SKIC3: variants seen among roughly 807,000 people sequenced by gnomAD.
SKIC3 encodes superkiller complex protein 3.
the SKIC3 span, among the ~76,000 whole-genome samples, chr5:95,538,604 A>G: frequency 0.15 from 23,460 of 152,078 alleles, 2,481 homozygotes; most frequent in African/African-American, 0.3. Context: ...ATTTACTATA[A>G]TAAGACATTA....
chr5:95,550,480 A>C, the SKIC3 span: 5 of 152,096 alleles, frequency 3.3e-5, no homozygotes, highest in African/African-American at 1.2e-4. Flanking sequence ...AAAAAAAAAA[A>C]AAAACTATGC....
chr5:95,516,178 C>T, the SKIC3 span, among the ~76,000 whole-genome samples: 2 of 152,138 alleles, frequency 1.3e-5, no homozygotes, highest in Non-Finnish European at 2.9e-5. Context: ...ATAAATCTTA[C>T]ACATTAATTA....
chr5:95,525,545 CT>C, the SKIC3 span: 1 of 1,613,828 alleles, frequency 6.2e-7, no homozygotes, highest in Non-Finnish European at 8.5e-7. Flanking sequence ...AATAAAAATG[CT>C]TTTAACTCAA....
chr5:95,508,413 G>T, the SKIC3 span, among the ~76,000 whole-genome samples: 1 of 152,124 alleles, frequency 6.6e-6, no homozygotes, highest in Non-Finnish European at 1.5e-5. Flanking sequence ...CCACTCTCCA[G>T]CTGGTCATTC....
chr5:95,486,007 G>A, the SKIC3 span, among the ~76,000 whole-genome samples: 1 of 152,118 alleles, frequency 6.6e-6, no homozygotes, highest in African/African-American at 2.4e-5. Context: ...TCCTACCATG[G>A]ACTCTGATAA....
At chr5:95,523,696 C>T in the SKIC3 span, 5 of 1,613,632 alleles carry the variant, frequency 3.1e-6, no homozygotes, top group Non-Finnish European at 4.2e-6. Flanking sequence ...GCTGCAGCTC[C>T]AGATTCAGCA....
the SKIC3 span, among the ~76,000 whole-genome samples, chr5:95,490,421 ATATATATATTCATTAAATAATG>A: frequency 1.4e-5 from 2 of 146,536 alleles, no homozygotes; most frequent in African/African-American, 5.0e-5. Flanking sequence ...CATTATTTAA[ATATATATATTCATTAAATAATG>A]TATATATATA....
chr5:95,490,945 ATCTATCCTC>A, the SKIC3 span: 2 of 1,614,178 alleles, frequency 1.2e-6, no homozygotes, highest in Non-Finnish European at 1.7e-6. Flanking sequence ...CCAAGTATAA[ATCTATCCTC>A]TTTGGCTGAG....
chr5:95,516,881 T>C, the SKIC3 span: 1 of 1,559,576 alleles, frequency 6.4e-7, no homozygotes, highest in East Asian at 2.4e-5. Flanking sequence ...ATTATGTTTT[T>C]GAAAAGGTTT....
At chr5:95,513,729 A>C in the SKIC3 span, 1 of 1,334,730 alleles carries the variant, frequency 7.5e-7, no homozygotes, top group East Asian at 2.3e-5. Context: ...TAGAAGAACC[A>C]AAGGTTTACT....
chr5:95,477,292 A>T, the SKIC3 span, among the ~76,000 whole-genome samples: 1 of 152,216 alleles, frequency 6.6e-6, no homozygotes, highest in African/African-American at 2.4e-5. Context: ...AGCAAAAATG[A>T]ACAGAAATAG....
the SKIC3 span, among the ~76,000 whole-genome samples, chr5:95,475,325 ATGCAGGCG>A: frequency 4.5e-4 from 68 of 152,166 alleles, 2 homozygotes; most frequent in Non-Finnish European, 1.2e-4. Flanking sequence ...TGATTGGATC[ATGCAGGCG>A]GAGTTCTCAT....
the SKIC3 span, chr5:95,547,189 A>G: frequency 6.3e-7 from 1 of 1,575,628 alleles, no homozygotes; most frequent in Non-Finnish European, 8.7e-7. Flanking sequence ...CTACAGTAAT[A>G]CCTACCCAAT....
chr5:95,478,332 T>C, the SKIC3 span: 2 of 1,614,028 alleles, frequency 1.2e-6, no homozygotes, highest in Admixed American at 3.3e-5. Flanking sequence ...TCAACAGACT[T>C]GAGAGCTTCC....
chr5:95,540,970 T>G, the SKIC3 span: 1 of 903,210 alleles, frequency 1.1e-6, no homozygotes, highest in Non-Finnish European at 1.7e-6. Context: ...TATTTTATTT[T>G]ATTTTATTTT....
chr5:95,521,909 T>C, the SKIC3 span: 1 of 907,932 alleles, frequency 1.1e-6, no homozygotes, highest in Non-Finnish European at 1.7e-6. Context: ...TTATATAAGC[T>C]ATACTGTAAG....
chr5:95,526,023 T>A, the SKIC3 span, among the ~76,000 whole-genome samples: 1 of 152,154 alleles, frequency 6.6e-6, no homozygotes, highest in Non-Finnish European at 1.5e-5. Flanking sequence ...ATATTGTAAC[T>A]TTTTACCTGT....
the SKIC3 span, chr5:95,513,575 A>G: frequency 1.2e-5 from 19 of 1,613,588 alleles, no homozygotes; most frequent in African/African-American, 2.4e-4. Flanking sequence ...TCTTACATGC[A>G]TATTTAGTTC....
At chr5:95,540,407 TTA>T in the SKIC3 span, among the ~76,000 whole-genome samples, 53 of 151,662 alleles carry the variant, frequency 3.5e-4, 1 homozygote, top group South Asian at 5.4e-3. Context: ...ACTAAAGAAC[TTA>T]CTCGTGACCA....
Sources: gnomAD v4.1 joint callset for allele counts (sites outside exome capture counted in the v4.1 genomes callset) on GRCh38, gnomAD v4.1.1 for gene constraint, MANE v1.5 for transcripts, NCBI Gene and HGNC (gene_info 2026-07-23, HGNC 2026-07-21) for gene names.